Variants in SEPTIN10 observed in about 807,000 individuals in gnomAD.
The protein encoded by SEPTIN10 is septin 10, also known as septin-10.
Under a neutral mutation model 54.8 loss-of-function variants are expected in SEPTIN10, and 66 were observed. The ratio of observed to expected loss-of-function variants is 1.21; its 90% confidence interval spans 0.99 to 1.48. The LOEUF (loss-of-function observed/expected upper bound fraction) is 1.48. Ranked by LOEUF, SEPTIN10 falls within the 40% of genes most tolerant of loss-of-function variation. The pLI, the probability that SEPTIN10 is intolerant of heterozygous loss-of-function variation, is 0.00. For missense variants in SEPTIN10, 620 were observed against 545.6 expected, an observed-to-expected ratio of 1.14 and a Z score of -1.36; for synonymous variants, 161 against 181.0, an observed-to-expected ratio of 0.89 and a Z score of 0.89.
At position 109,544,597 on chromosome 2, in the gene SEPTIN10, T is replaced by C. The variant is rs530347444; in HGVS notation, c.1350-273A>G. ...TTACAAGGTAAATGTAAATTATCTT[T>C]CATATAGGGGAAAAAATGGGAAATC... On this transcript the variant is annotated intron_variant, in intron 10 of 10. Coordinates refer to ENST00000397712, the MANE Select transcript of SEPTIN10 (RefSeq NM_144710.5). 4.1e-6 allele frequency: 4 copies of C among 966,320 alleles called. No individual in the cohort carries two copies. In the East Asian group the frequency reaches 4.6e-4, roughly 111 times the overall value. The allele number at this position is 966,320 out of a possible 1,614,324, so 59.9% of individuals were successfully genotyped here. A position where few individuals can be genotyped will look rare whatever the true frequency, so the allele number is the denominator to read the frequency against.
chr2:109,580,180 G>GT (rs1690760811), intron 4 of SEPTIN10, among the ~76,000 whole-genome samples: 2 of 144,516 alleles, frequency 1.4e-5, no homozygotes, highest in Non-Finnish European at 3.0e-5. Context: ...GAACACAGAT[G>GT]CAAAAAAAAA....
intron 1 of SEPTIN10, among the ~76,000 whole-genome samples, chr2:109,607,142 C>T (rs944106146): frequency 1.3e-5 from 2 of 152,140 alleles, no homozygotes; most frequent in Admixed American, 6.6e-5. Flanking sequence ...AAAAAGCTTT[C>T]ATTCTACTTA....
intron 5 of SEPTIN10, among the ~76,000 whole-genome samples, chr2:109,574,341 G>C (rs1309964889): frequency 6.6e-6 from 1 of 150,946 alleles, no homozygotes; most frequent in Non-Finnish European, 1.5e-5. Flanking sequence ...AGCTACCTGG[G>C]AAGCTGAGGC....
At chr2:109,609,163 G>A (rs1698674160) in intron 1 of SEPTIN10, among the ~76,000 whole-genome samples, 1 of 152,166 alleles carries the variant, frequency 6.6e-6, no homozygotes, top group African/African-American at 2.4e-5. Context: ...GGAAAGTGGG[G>A]CTTCATTAGA....
chr2:109,604,021 G>A (rs1424942097), intron 1 of SEPTIN10, among the ~76,000 whole-genome samples: 1 of 151,780 alleles, frequency 6.6e-6, no homozygotes, highest in Non-Finnish European at 1.5e-5. Context: ...AATTAGCCGG[G>A]CATAGTGGCA....
At chr2:109,587,919 A>C (rs919171038) in intron 2 of SEPTIN10, among the ~76,000 whole-genome samples, 7 of 151,894 alleles carry the variant, frequency 4.6e-5, no homozygotes, top group Non-Finnish European at 1.0e-4. Flanking sequence ...TCTCCAAAAA[A>C]AAAAACAAAA....
intron 8 of SEPTIN10, among the ~76,000 whole-genome samples, chr2:109,555,160 C>A (rs988931184): frequency 6.6e-6 from 1 of 152,184 alleles, no homozygotes; most frequent in African/African-American, 2.4e-5. Context: ...ATCTCATTAT[C>A]TTTTCTCACC....
intron 4 of SEPTIN10, among the ~76,000 whole-genome samples, chr2:109,576,376 G>A (rs1462685265): frequency 2.6e-5 from 4 of 151,996 alleles, no homozygotes; most frequent in Non-Finnish European, 4.4e-5. Context: ...TGGGATGACA[G>A]GCGTGAGCCA....
In SEPTIN10 at chr2:109,567,910, T is replaced by C. The variant is rs1687423672; in HGVS notation, c.667A>G (p.Ile223Val). 6.2e-7 allele frequency: 1 copy of C among 1,613,932 alleles called. No individual in the cohort carries two copies. The highest frequency in any genetic ancestry group is 8.5e-7 in the Non-Finnish European group (1 of 1,179,946). The change falls in exon 6 of 11, where the codon ATC (isoleucine) becomes GTC (valine). Residue 223 changes from isoleucine to valine, a missense_variant. Coordinates refer to ENST00000397712, the MANE Select transcript of SEPTIN10 (RefSeq NM_144710.5). Reference protein sequence around the residue: ...VSKTELQKFKIKLMSELVSNG... With the variant: ...VSKTELQKFKVKLMSELVSNG... ...CTGACCAATTCACTCATGAGCTTGA[T>C]CTTAAACTTCTGTAATTCAGTTTTA...
chr2:109,575,834 T>C (rs1689556899), intron 4 of SEPTIN10, among the ~76,000 whole-genome samples: 1 of 152,200 alleles, frequency 6.6e-6, no homozygotes, highest in Admixed American at 6.5e-5. Context: ...TTCTATAAAG[T>C]TGCCCGACCT....
At chr2:109,599,931 C>T (rs1280210989) in intron 1 of SEPTIN10, among the ~76,000 whole-genome samples, 2 of 152,176 alleles carry the variant, frequency 1.3e-5, no homozygotes, top group African/African-American at 2.4e-5. Context: ...AACACTACAA[C>T]GAACTTCCTC....
At chr2:109,600,760 C>T (rs1696431720) in intron 1 of SEPTIN10, among the ~76,000 whole-genome samples, 1 of 152,166 alleles carries the variant, frequency 6.6e-6, no homozygotes, top group African/African-American at 2.4e-5. Context: ...GCCCCATTCC[C>T]ACTCCACCTC....
At chr2:109,545,535 C>A (rs943259166) in intron 10 of SEPTIN10, 6 of 1,535,790 alleles carry the variant, frequency 3.9e-6, no homozygotes, top group African/African-American at 1.4e-5. Context: ...AATCGACAGC[C>A]TGGTTCCCTT....
At chr2:109,556,481 G>C (rs1684397024) in intron 8 of SEPTIN10, among the ~76,000 whole-genome samples, 1 of 152,198 alleles carries the variant, frequency 6.6e-6, no homozygotes, top group Non-Finnish European at 1.5e-5. Context: ...AAGGCTGAGA[G>C]GTGAGTTTGA....
chr2:109,562,618 T>G (rs1019773687), intron 8 of SEPTIN10, among the ~76,000 whole-genome samples: 2 of 152,124 alleles, frequency 1.3e-5, no homozygotes, highest in African/African-American at 4.8e-5. Flanking sequence ...TGATGATGAC[T>G]CCACCAGACA....
At chr2:109,573,862 T>A (rs1171762915) in intron 5 of SEPTIN10, among the ~76,000 whole-genome samples, 2 of 152,216 alleles carry the variant, frequency 1.3e-5, no homozygotes, top group Non-Finnish European at 2.9e-5. Flanking sequence ...AAATAGGTTT[T>A]CTCAGTATGG....
chr2:109,575,769 G>C (rs2096485328), intron 4 of SEPTIN10, among the ~76,000 whole-genome samples: 1 of 152,198 alleles, frequency 6.6e-6, no homozygotes, highest in Admixed American at 6.5e-5. Context: ...GCCCTATAAT[G>C]AACCAGTACC....
At chr2:109,590,084 A>G (rs1031745034) in intron 2 of SEPTIN10, among the ~76,000 whole-genome samples, 3 of 148,998 alleles carry the variant, frequency 2.0e-5, no homozygotes, top group Non-Finnish European at 4.4e-5. Flanking sequence ...ATATATATGT[A>G]TATATATACA....
intron 4 of SEPTIN10, among the ~76,000 whole-genome samples, chr2:109,581,528 GAA>G (rs60924044): frequency 1.4e-5 from 2 of 145,652 alleles, no homozygotes; most frequent in African/African-American, 2.5e-5. Flanking sequence ...AAAGGTCTGG[GAA>G]AAAAAAAAAA....
Sources: allele counts gnomAD v4.1 joint callset (sites outside exome capture counted in the v4.1 genomes callset), GRCh38; gene constraint gnomAD v4.1.1; transcripts MANE v1.5; gene names NCBI Gene and HGNC (gene_info 2026-07-23, HGNC 2026-07-21).